The following NFAM1 variants were observed in gnomAD, a reference collection of about 807,000 sequenced individuals.
NFAM1 encodes NFAT activating protein with ITAM motif 1, also known as NFAT activation molecule 1.
Under a neutral mutation model 29.0 loss-of-function variants are expected in NFAM1, and 17 were observed. The observed-to-expected ratio is 0.59, with a 90% CI of 0.40 to 0.88. The LOEUF is 0.88. Among genes scored for constraint, NFAM1 ranks in the 40% least tolerant of loss-of-function variants. The pLI, the probability that NFAM1 is intolerant of heterozygous loss-of-function variation, is 0.00. For missense variants in NFAM1, 324 were observed against 344.6 expected, an observed-to-expected ratio of 0.94 and a Z score of 0.47; for synonymous variants, 175 against 147.2, an observed-to-expected ratio of 1.19 and a Z score of -1.36.
intron 3 of NFAM1, among the ~76,000 whole-genome samples, chr22:42,400,190 T>C (rs1269867778): frequency 6.6e-6 from 1 of 152,232 alleles, no homozygotes; most frequent in Non-Finnish European, 1.5e-5. Context: ...AGTTAGAACG[T>C]GTGAGCCTCA....
Position 42,432,281 on chromosome 22 carries a change from A to G in NFAM1, c.77T>C (p.Leu26Pro), listed in dbSNP as rs944328224. 15 of 1,572,782 alleles carry G rather than the reference A, an allele frequency of 9.5e-6. No homozygotes were observed. The highest frequency in any genetic ancestry group is 1.3e-5 in the Non-Finnish European group (15 of 1,158,782). ...RPPGLPAAPWLLLGVLLLPGT... is the reference protein window; with the variant it reads ...RPPGLPAAPWPLLGVLLLPGT... ...GGGCAGCAGCAGCACGCCAAGGAGG[A>G]GCCAGGGGGCTGCGGGGAGCCCAGG... The change falls in exon 1 of 6, where the codon CTC becomes CCC. Residue 26 changes from leucine (L) to proline (P), a missense_variant. Physicochemically the swap from Leu to Pro is moderately conservative, Grantham distance 98. Transcript: ENST00000329021.
At chr22:42,432,515 G>GGTTCCTC, upstream of NFAM1, 1 of 1,028,264 alleles carries the variant, frequency 9.7e-7, no homozygotes, top group Non-Finnish European at 1.4e-6. Context: ...GTGGCCGCCA[G>GGTTCCTC]ATGAGGAACC....
chr22:42,437,496 C>T, the NFAM1 span, among the ~76,000 whole-genome samples: 2 of 152,248 alleles, frequency 1.3e-5, no homozygotes, highest in East Asian at 1.9e-4. Flanking sequence ...CTGGGAGGCT[C>T]GGGCCCTTGA....
upstream of NFAM1, among the ~76,000 whole-genome samples, chr22:42,435,812 CTTCTTTTTTTT>C (rs1445278132): frequency 7.5e-6 from 1 of 133,170 alleles, no homozygotes; most frequent in African/African-American, 3.3e-5. Context: ...TCCTTTTCTT[CTTCTTTTTTTT>C]TTTTTTTTTT....
At chr22:42,405,002 G>A (rs1306190916) in intron 3 of NFAM1, among the ~76,000 whole-genome samples, 1 of 152,118 alleles carries the variant, frequency 6.6e-6, no homozygotes, top group Admixed American at 6.6e-5. Context: ...TTGGCACTTA[G>A]CCTAGTGATG....
chr22:42,392,277 G>A (rs534258532), intron 4 of NFAM1, among the ~76,000 whole-genome samples: 1 of 152,300 alleles, frequency 6.6e-6, no homozygotes, highest in African/African-American at 2.4e-5. Context: ...AGTGTGGAAT[G>A]TTCTGGAAGC....
chr22:42,427,598 A>G (rs1930664060), intron 1 of NFAM1, among the ~76,000 whole-genome samples: 1 of 152,210 alleles, frequency 6.6e-6, no homozygotes, highest in African/African-American at 2.4e-5. Flanking sequence ...AAGCCATACA[A>G]GAGGCAGTGG....
chr22:42,413,325 A>G (rs916223808), intron 1 of NFAM1, among the ~76,000 whole-genome samples: 13 of 152,216 alleles, frequency 8.5e-5, no homozygotes, highest in African/African-American at 2.9e-4. Flanking sequence ...AGGTCTCTTC[A>G]GTTCAGCTCT....
intron 5 of NFAM1, 105 bp from the exon 6 acceptor site, chr22:42,385,325 T>C: frequency 9.6e-6 from 8 of 835,962 alleles, no homozygotes; most frequent in Non-Finnish European, 4.1e-6. Context: ...ACAGATCACT[T>C]CCTGTGTAGC....
At position 42,419,199 on chromosome 22, in the gene NFAM1, C is replaced by G. The variant is rs1327686504; in HGVS notation, c.122-7463G>C. ...GTTCAGGATCAGACCTGCCCACCAC[C>G]TGCACAACGCCCCCATCCCTCCAAC... On this transcript the variant is annotated intron_variant, in intron 1 of 5. Transcript: ENST00000329021. This position sits in a 1 kb window ranked among gnomAD's most constrained non-coding sequence, Gnocchi z 4.5. 6.6e-6 allele frequency among the ~76,000 whole-genome samples: 1 copy of G among 152,084 alleles called. No homozygotes were observed. The highest frequency in any genetic ancestry group is 1.5e-5 in the Non-Finnish European group (1 of 68,016).
intron 1 of NFAM1, among the ~76,000 whole-genome samples, chr22:42,422,557 G>A (rs542836626): frequency 4.2e-4 from 64 of 152,120 alleles, no homozygotes; most frequent in South Asian, 1.0e-3. Flanking sequence ...CCGAGACCGC[G>A]CCACTACACT....
intron 5 of NFAM1, 96 bp from the exon 6 acceptor site, chr22:42,385,316 C>G (rs1929100018): frequency 2.3e-6 from 2 of 880,018 alleles, no homozygotes; most frequent in East Asian, 2.4e-5. Flanking sequence ...CAGAGGGCAA[C>G]AGATCACTTC....
At chr22:42,389,076 T>G (rs1254573457) in intron 4 of NFAM1, among the ~76,000 whole-genome samples, 5 of 152,192 alleles carry the variant, frequency 3.3e-5, no homozygotes, top group African/African-American at 9.6e-5. Flanking sequence ...ACAGTCTCTC[T>G]GAGCTGGATG....
At chr22:42,387,134 G>T in intron 4 of NFAM1, 56 bp from the exon 5 acceptor site, 1 of 1,015,646 alleles carries the variant, frequency 9.8e-7, no homozygotes, top group South Asian at 1.5e-5. Context: ...GCAGTCCCTG[G>T]CCCCAGCAGC....
At chr22:42,403,833 A>G (rs1213727647) in intron 3 of NFAM1, among the ~76,000 whole-genome samples, 1 of 152,166 alleles carries the variant, frequency 6.6e-6, no homozygotes. Flanking sequence ...GCAGAGGCAA[A>G]AGAGGTGTCA....
chr22:42,405,321 G>C lies in NFAM1; in HGVS notation c.564+4114C>G, dbSNP rs145177135. On this transcript the variant is annotated intron_variant, in intron 3 of 5. Transcript: ENST00000329021. ...CGTGTACACAGAGGGCACTTGTGTG[G>C]GTCACTCCTGTAAGCCTGGGTGGGG... Among the ~76,000 whole-genome samples, 833 of 152,288 alleles carry C rather than the reference G, an allele frequency of 5.5e-3. 5 individuals carry two copies. Among genetic ancestry groups the C allele is most frequent in the African/African-American group, 0.02 (812 of 41,556 alleles).
rs972925033 is a variant in NFAM1 at position 42,383,628 on chromosome 22, C to T, written c.*1533G>A. ...TTCTGGACGTCAGTCTGTGCCCAGC[C>T]TCTACCACCAGCTTTCCCTTCCCTG... is the stretch of plus-strand genomic sequence containing the variant. On this transcript the variant is annotated 3_prime_UTR_variant, in exon 6 of 6. Coordinates refer to ENST00000329021, the MANE Select transcript of NFAM1 (RefSeq NM_145912.8). The T allele has an allele frequency of 2.3e-4, 35 of 152,876 alleles. No individual in the cohort carries two copies. Among genetic ancestry groups the T allele is most frequent in the African/African-American group, 8.4e-4 (35 of 41,590 alleles). 9.5% of individuals were successfully genotyped at this position (152,876 alleles called of 1,614,324 possible).
rs919793581 is a variant in NFAM1 at position 42,418,479 on chromosome 22, G to A, written c.122-6743C>T. Among the ~76,000 whole-genome samples, 3 of 152,252 alleles carry A rather than the reference G, an allele frequency of 2.0e-5. No homozygotes were observed. The East Asian group carries it at 5.8e-4, about 29-fold the overall frequency. ...GGCCGAGGCAGGCAGATCACATGAG[G>A]TCAGAAGTTCAAGACCAGCCTGGCC... On this transcript the variant is annotated intron_variant, in intron 1 of 5. Coordinates refer to ENST00000329021, the MANE Select transcript of NFAM1 (RefSeq NM_145912.8).
At chr22:42,414,815 TTCCTGCTTG>T (rs1315400270) in intron 1 of NFAM1, among the ~76,000 whole-genome samples, 2 of 152,074 alleles carry the variant, frequency 1.3e-5, no homozygotes, top group Non-Finnish European at 2.9e-5. Flanking sequence ...CCATGAAACC[TTCCTGCTTG>T]TCCTGGGCAG....
Sources: gnomAD v4.1 joint callset for allele counts (sites outside exome capture counted in the v4.1 genomes callset) on GRCh38, gnomAD v4.1.1 for gene constraint, Gnocchi (gnomAD v3.1) non-coding constraint, MANE v1.5 for transcripts, NCBI Gene and HGNC (gene_info 2026-07-23, HGNC 2026-07-21) for gene names.